SPATA9: variants seen among roughly 807,000 people sequenced by gnomAD.
The protein encoded by SPATA9 is spermatogenesis-associated protein 9.
Under a neutral mutation model 25.5 loss-of-function variants are expected in SPATA9, and 27 were observed. The observed-to-expected ratio is 1.06, with a 90% CI of 0.78 to 1.46. The LOEUF (loss-of-function observed/expected upper bound fraction) is 1.46. Ranked by LOEUF, SPATA9 falls within the 40% of genes most tolerant of loss-of-function variation. The pLI is 0.00. For synonymous variants in SPATA9, 102 were observed against 105.7 expected (o/e 0.97, Z 0.21); for missense variants, 282 against 297.5 (o/e 0.95, Z 0.38).
At chr5:95,674,821 C>G (rs1170411173) in intron 3 of SPATA9, 7 of 456,086 alleles carry the variant, frequency 1.5e-5, no homozygotes, top group Non-Finnish European at 2.6e-5. Context: ...ATTTGTCCTG[C>G]AGTTTAGATG....
the SPATA9 span, chr5:95,731,571 G>A: frequency 4.6e-6 from 7 of 1,514,358 alleles, no homozygotes; most frequent in Non-Finnish European, 5.3e-6. Flanking sequence ...CGCGCGAGGG[G>A]GACGCGGCCG....
chr5:95,714,364 G>A, the SPATA9 span, among the ~76,000 whole-genome samples: 1 of 152,094 alleles, frequency 6.6e-6, no homozygotes, highest in Non-Finnish European at 1.5e-5. Flanking sequence ...AAAGAGTCTA[G>A]GACAGAACCC....
At chr5:95,679,475 T>G (rs1484673513) in intron 2 of SPATA9, among the ~76,000 whole-genome samples, 1 of 152,190 alleles carries the variant, frequency 6.6e-6, no homozygotes, top group Non-Finnish European at 1.5e-5. Context: ...CAGTTTGCCC[T>G]CAGAAACTCT....
chr5:95,710,070 A>C, the SPATA9 span, among the ~76,000 whole-genome samples: 1 of 152,144 alleles, frequency 6.6e-6, no homozygotes, highest in Non-Finnish European at 1.5e-5. Context: ...GAGGGCCATC[A>C]ATTCAGCTTT....
chr5:95,730,885 G>C, the SPATA9 span: 8 of 455,866 alleles, frequency 1.8e-5, no homozygotes, highest in Admixed American at 1.9e-4. Flanking sequence ...AAATGAGAAA[G>C]CGGCAGACGT....
At chr5:95,730,791 G>T in the SPATA9 span, 1 of 431,594 alleles carries the variant, frequency 2.3e-6, no homozygotes, top group Non-Finnish European at 4.7e-6. Context: ...TGTGAACAAA[G>T]AACTCTTTCT....
chr5:95,660,611 A>G (rs553302338), intron 4 of SPATA9, among the ~76,000 whole-genome samples: 142 of 152,320 alleles, frequency 9.3e-4, no homozygotes, highest in Non-Finnish European at 1.8e-3. Context: ...CCATTTATCC[A>G]AAATATGATC....
chr5:95,653,306 G>A, intron 8 of SPATA9: 1 of 1,510,244 alleles, frequency 6.6e-7, no homozygotes. Flanking sequence ...TGTACTCCAG[G>A]CAAAACCAAG....
chr5:95,674,712 A>G (rs772720959), intron 3 of SPATA9: 21 of 453,612 alleles, frequency 4.6e-5, no homozygotes, highest in Middle Eastern at 3.3e-4. Flanking sequence ...CGGGAATCTC[A>G]ACAGCTCTGG....
chr5:95,680,180 G>A (rs1363529615), intron 2 of SPATA9, among the ~76,000 whole-genome samples: 2 of 152,184 alleles, frequency 1.3e-5, no homozygotes, highest in Non-Finnish European at 2.9e-5. Context: ...TTACAGGCCT[G>A]AGCCACCGCG....
chr5:95,702,569 C>T (rs980276301), upstream of SPATA9, among the ~76,000 whole-genome samples: 2 of 152,096 alleles, frequency 1.3e-5, no homozygotes, highest in African/African-American at 2.4e-5. Context: ...AGAGTCATTC[C>T]TGTATCTTTA....
Position 95,658,779 on chromosome 5 carries a change from A to C in SPATA9, c.609T>G (p.Phe203Leu), listed in dbSNP as rs763483822. The change falls in exon 5 of 5, where the codon TTT becomes TTG. Residue 203 changes from phenylalanine to leucine, a missense_variant. By Grantham distance (22) the Phe-to-Leu change is conservative (BLOSUM62 0). Coordinates refer to ENST00000274432, the MANE Select transcript of SPATA9 (RefSeq NM_031952.4). ...GTTTTGCTTTGATTTCACCTTCAGC[A>C]AACATAGGCTCCGAAAGCACAGGCT... ...FSEPVLSEPM[F>L]AEGEIKAKPY... The C allele has an allele frequency of 1.2e-6, 2 of 1,613,950 alleles. No individual in the cohort carries two copies. Among genetic ancestry groups the C allele is most frequent in the South Asian group, 2.2e-5 (2 of 91,068 alleles).
chr5:95,655,492 CCTA>C (rs1265596285), downstream of SPATA9: 5 of 152,442 alleles, frequency 3.3e-5, no homozygotes, highest in African/African-American at 1.2e-4. Context: ...ACCCCTTAGA[CCTA>C]CTACATTTAA....
At chr5:95,671,336 T>A (rs749559240) in intron 3 of SPATA9, among the ~76,000 whole-genome samples, 13 of 152,210 alleles carry the variant, frequency 8.5e-5, no homozygotes, top group Non-Finnish European at 1.6e-4. Flanking sequence ...AGCCCCACAG[T>A]CCATAGGGCA....
chr5:95,678,524 C>T (rs1191546295), intron 2 of SPATA9, among the ~76,000 whole-genome samples: 1 of 152,142 alleles, frequency 6.6e-6, no homozygotes, highest in East Asian at 1.9e-4. Context: ...ATTGTCACTC[C>T]CATCAAATCT....
upstream of SPATA9, among the ~76,000 whole-genome samples, chr5:95,686,667 G>T (rs1753754041): frequency 6.6e-6 from 1 of 152,146 alleles, no homozygotes; most frequent in South Asian, 2.1e-4. Context: ...GCAACCTGAT[G>T]AAATCCTACA....
At chr5:95,702,502 C>A (rs1754203790), upstream of SPATA9, among the ~76,000 whole-genome samples, 1 of 152,110 alleles carries the variant, frequency 6.6e-6, no homozygotes, top group Non-Finnish European at 1.5e-5. Flanking sequence ...AAAATAAGAA[C>A]CAATTTGTCT....
intron 3 of SPATA9, among the ~76,000 whole-genome samples, chr5:95,668,613 A>T (rs1203022766): frequency 1.3e-5 from 2 of 152,210 alleles, no homozygotes; most frequent in Non-Finnish European, 2.9e-5. Flanking sequence ...CTTTATGTGC[A>T]TATTTGAGTT....
downstream of SPATA9, chr5:95,656,077 C>T (rs141135045): frequency 1.2e-6 from 2 of 1,613,506 alleles, no homozygotes; most frequent in Non-Finnish European, 1.7e-6. Flanking sequence ...ATAGTTTGCC[C>T]CTGGCATAAA....
Sources: allele counts gnomAD v4.1 joint callset (sites outside exome capture counted in the v4.1 genomes callset), GRCh38; gene constraint gnomAD v4.1.1; transcripts MANE v1.5; gene names NCBI Gene and HGNC (gene_info 2026-07-23, HGNC 2026-07-21).